Variants in LAMB1 observed in about 807,000 individuals in gnomAD.
LAMB1 encodes laminin subunit beta-1.
LAMB1 carries 121 observed loss-of-function variants against 222.3 expected under a neutral mutation model. That is an observed-to-expected ratio of 0.54 (90% CI 0.47 to 0.63). The LOEUF is 0.63. Among genes scored for constraint, LAMB1 ranks in the 30% least tolerant of loss-of-function variants. The pLI is 0.00. For synonymous variants in LAMB1, 794 were observed against 807.2 expected (o/e 0.98, Z 0.28); for missense variants, 2,172 against 2,240.8 (o/e 0.97, Z 0.62).
intron 13 of LAMB1, among the ~76,000 whole-genome samples, chr7:107,968,952 CTA>C (rs1242475048): frequency 6.6e-5 from 10 of 152,174 alleles, no homozygotes; most frequent in African/African-American, 2.4e-4. Flanking sequence ...GATACAGGCT[CTA>C]TGTTTTCTCA....
chr7:107,944,624 T>C (rs993159411), intron 24 of LAMB1, among the ~76,000 whole-genome samples: 1 of 152,216 alleles, frequency 6.6e-6, no homozygotes, highest in Non-Finnish European at 1.5e-5. Context: ...TCCCTGGCTA[T>C]TGAATTTCCA....
chr7:107,986,929 A>T (rs1041549092), intron 5 of LAMB1, among the ~76,000 whole-genome samples: 7 of 152,236 alleles, frequency 4.6e-5, no homozygotes, highest in Admixed American at 3.9e-4. Context: ...TGGAAAATCG[A>T]GCAATTCCAC....
intron 17 of LAMB1, 82 bp from the exon 18 acceptor site, chr7:107,960,731 C>T (rs2033480691): frequency 9.0e-7 from 1 of 1,115,964 alleles, no homozygotes; most frequent in Admixed American, 1.9e-5. Flanking sequence ...TGTAGAAAAC[C>T]CAAATGCTTC....
chr7:107,949,038 G>C (rs1245562704), intron 24 of LAMB1, among the ~76,000 whole-genome samples: 1 of 152,186 alleles, frequency 6.6e-6, no homozygotes, highest in African/African-American at 2.4e-5. Context: ...TGCTTTTCCT[G>C]ATGAAAAGTT....
intron 22 of LAMB1, among the ~76,000 whole-genome samples, 169 bp downstream of exon 22, chr7:107,953,361 A>T (rs77344019): frequency 4.9e-5 from 1 of 20,496 alleles, no homozygotes; most frequent in Non-Finnish European, 9.3e-5. Context: ...TGTCTCATTA[A>T]AAAAAAAAAA....
chr7:107,937,002 AC>A (rs2032862910), intron 26 of LAMB1, 90 bp downstream of exon 26: 2 of 1,075,180 alleles, frequency 1.9e-6, no homozygotes, highest in Non-Finnish European at 2.7e-6. Flanking sequence ...TTATTAGAAA[AC>A]TTTTTTTTTT....
In LAMB1 at chr7:107,935,468, C is replaced by G. The variant is rs2032825326; in HGVS notation, c.4135G>C (p.Asp1379His). The G allele has an allele frequency of 1.3e-6, 2 of 1,563,758 alleles. No homozygotes were observed. The highest frequency in any genetic ancestry group is 5.0e-5 in the East Asian group (2 of 40,368). Residue 1379 changes from aspartate to histidine, a missense_variant, in exon 27 of 34, where the codon GAT becomes CAT. Asp to His is a moderately conservative substitution (Grantham distance 81, BLOSUM62 -1). Coordinates refer to ENST00000222399, the MANE Select transcript of LAMB1 (RefSeq NM_002291.3). Reference sequence around the variant, plus strand: ...CTTTGTAGCTTGCCTGCCAGTTCATCAAGGAGGCGAGCCTGCTCCTCTTGT... The same window carrying G: ...CTTTGTAGCTTGCCTGCCAGTTCATGAAGGAGGCGAGCCTGCTCCTCTTGT... ...EKQEEQARLL[D>H]ELAGKLQSLD...
rs909559555 is a variant in LAMB1, at chr7:107,965,902, G to T, written c.1563-1215C>A. 4.6e-5 allele frequency among the ~76,000 whole-genome samples: 7 copies of T among 152,118 alleles called. No individual in the cohort carries two copies. The South Asian group carries it at 1.5e-3, about 32-fold the overall frequency. ...GATCACTTGCAGGAGTTTGAGACCA[G>T]CCTGGCCAACATGGTGAAACCCCGT... On this transcript the variant is annotated intron_variant, in intron 13 of 33. Transcript: ENST00000222399.
chr7:107,949,710 C>G (rs1481096265), intron 24 of LAMB1, among the ~76,000 whole-genome samples: 1 of 152,190 alleles, frequency 6.6e-6, no homozygotes, highest in Non-Finnish European at 1.5e-5. Flanking sequence ...CCATACAAAC[C>G]CTTCTGGCTA....
chr7:107,963,046 C>T lies in LAMB1; in HGVS notation c.1716G>A (p.Glu572=). The T allele has an allele frequency of 6.2e-7, 1 of 1,613,318 alleles. No homozygotes were observed. The part of the protein sequence containing the change: ...ANLGPGVSIV[E]RQYIQDRIPS... ...GAATCCGGTCCTGGATATATTGCCG[C>T]TCCACTATGCTAACCCCCTGAGGGC... is the stretch of plus-strand genomic sequence containing the variant. The change falls in exon 15 of 34, where the codon GAG becomes GAA. Residue 572 remains glutamate, a synonymous_variant. Coordinates refer to ENST00000222399, the MANE Select transcript of LAMB1 (RefSeq NM_002291.3).
chr7:107,991,191 AG>A (rs1381863880), intron 5 of LAMB1, among the ~76,000 whole-genome samples: 3 of 152,240 alleles, frequency 2.0e-5, no homozygotes, highest in Non-Finnish European at 4.4e-5. Context: ...ACAGTAAAAA[AG>A]ACTCATACTA....
intron 28 of LAMB1, 32 bp downstream of exon 28, chr7:107,932,142 A>G (rs530479064): frequency 1.3e-5 from 21 of 1,601,016 alleles, no homozygotes; most frequent in African/African-American, 8.0e-5. Context: ...GCAAACATAC[A>G]TAACAAAAAC....
intron 29 of LAMB1, 95 bp from the exon 30 acceptor site, chr7:107,929,714 G>T: frequency 1.0e-6 from 1 of 975,458 alleles, no homozygotes; most frequent in South Asian, 1.4e-5. Flanking sequence ...GACTAGCATG[G>T]TGGGGTTACA....
Position 107,975,774 on chromosome 7 carries a change from G to A in LAMB1, c.1104C>T (p.Asn368=). ...ACTGCTCACAGTTGCGCCCCATGGT[G>A]TTGTGCTGACAGTCATCACACACGC... ...SGGVCDDCQH[N]TMGRNCEQCK... The change falls in exon 10 of 34, where the codon AAC becomes AAT. Residue 368 remains asparagine, a synonymous_variant. Coordinates refer to ENST00000222399, the MANE Select transcript of LAMB1 (RefSeq NM_002291.3). 1 of 1,614,030 alleles carries A rather than the reference G, an allele frequency of 6.2e-7. No homozygotes were observed. The highest frequency in any genetic ancestry group is 1.3e-5 in the African/African-American group (1 of 74,994).
At chr7:107,945,976 A>G (rs1319503126) in intron 24 of LAMB1, among the ~76,000 whole-genome samples, 1 of 152,158 alleles carries the variant, frequency 6.6e-6, no homozygotes, top group Admixed American at 6.5e-5. Flanking sequence ...AATAGCCTGC[A>G]AGTGGCAGAA....
At chr7:107,964,098 G>GA (rs1201381203) in intron 14 of LAMB1, among the ~76,000 whole-genome samples, 1 of 151,772 alleles carries the variant, frequency 6.6e-6, no homozygotes, top group Non-Finnish European at 1.5e-5. Flanking sequence ...ACTCAGTCTC[G>GA]AAAAAAAGAA....
chr7:107,935,322 G>A lies in LAMB1; in HGVS notation c.4188+93C>T, dbSNP rs562088689. On this transcript the variant is annotated intron_variant, in intron 27 of 33. Transcript: ENST00000222399. ...TTCATTTGCAAATTATTGTAATAAT[G>A]ACAAAAGATGGTTTGTTTTTCTTTG... 6.9e-5 allele frequency: 104 copies of A among 1,504,748 alleles called. 1 individual carries two copies. The highest frequency in any genetic ancestry group is 1.5e-5 in the African/African-American group (1 of 68,098). 93.2% of individuals were successfully genotyped at this position (1,504,748 alleles called of 1,614,324 possible). A position where few individuals can be genotyped will look rare whatever the true frequency, so the allele number is the denominator to read the frequency against.
Position 107,936,188 on chromosome 7 carries a change from T to A in LAMB1, c.3947-532A>T, listed in dbSNP as rs1316170683. The A allele has an allele frequency of 2.0e-5, 3 of 152,632 alleles. No individual in the cohort carries two copies. The East Asian group carries it at 5.8e-4, about 29-fold the overall frequency. 9.5% of individuals were successfully genotyped at this position (152,632 alleles called of 1,614,324 possible). ...AACAACTATTTACATAGCATTTACA[T>A]TGTATTAGGTATTGTAAGTAATCTA... On this transcript the variant is annotated intron_variant, in intron 26 of 33. Coordinates refer to ENST00000222399, the MANE Select transcript of LAMB1 (RefSeq NM_002291.3).
chr7:107,964,820 T>C (rs1022270182), intron 13 of LAMB1, 133 bp from the exon 14 acceptor site: 6 of 1,037,236 alleles, frequency 5.8e-6, no homozygotes, highest in African/African-American at 1.6e-5. Context: ...CTTCAGAAAA[T>C]ACATATGTGG....
Sources: gnomAD v4.1 joint callset for allele counts (sites outside exome capture counted in the v4.1 genomes callset) on GRCh38, gnomAD v4.1.1 for gene constraint, MANE v1.5 for transcripts, NCBI Gene and HGNC (gene_info 2026-07-23, HGNC 2026-07-21) for gene names.